Variants in ZBTB7C observed in about 807,000 individuals in gnomAD.
The protein encoded by ZBTB7C is zinc finger and BTB domain-containing protein 7C.
A neutral mutation model predicts 25.7 loss-of-function variants in ZBTB7C; 8 were observed. The ratio of observed to expected loss-of-function variants is 0.31; its 90% CI spans 0.18 to 0.56. The LOEUF (loss-of-function observed/expected upper bound fraction) is 0.56, where lower values mean the gene tolerates loss of function less well. Ranked by LOEUF, ZBTB7C falls within the 20% of genes least tolerant of loss-of-function variation. The pLI is 0.91. For synonymous variants in ZBTB7C, 394 were observed against 369.0 expected (o/e 1.07, Z -0.78); for missense variants, 824 against 855.2 (o/e 0.96, Z 0.46).
chr18:48,384,330 A>G (rs2047698496), intron 1 of ZBTB7C, among the ~76,000 whole-genome samples: 1 of 152,242 alleles, frequency 6.6e-6, no homozygotes, highest in African/African-American at 2.4e-5. Flanking sequence ...CATACCTAGG[A>G]GCCAGACTGC....
chr18:48,348,703 G>A (rs971112691), intron 1 of ZBTB7C, among the ~76,000 whole-genome samples: 5 of 152,220 alleles, frequency 3.3e-5, no homozygotes, highest in African/African-American at 1.2e-4. Flanking sequence ...TATAATCCCC[G>A]CTACTCGGGA....
At chr18:48,344,761 G>T (rs531811639) in intron 1 of ZBTB7C, among the ~76,000 whole-genome samples, 102 of 152,326 alleles carry the variant, frequency 6.7e-4, no homozygotes, top group East Asian at 5.8e-4. Context: ...CCAATTATAT[G>T]GATACTATGT....
intron 2 of ZBTB7C, among the ~76,000 whole-genome samples, chr18:48,248,663 GA>G (rs752517006): frequency 2.6e-5 from 4 of 152,064 alleles, no homozygotes; most frequent in Non-Finnish European, 4.4e-5. Context: ...GAAAATTTTA[GA>G]TTCTCAGAAC....
chr18:48,371,360 G>T (rs1568407140), intron 1 of ZBTB7C, among the ~76,000 whole-genome samples: 1 of 152,218 alleles, frequency 6.6e-6, no homozygotes, highest in Non-Finnish European at 1.5e-5. Flanking sequence ...TGTCAGGGCT[G>T]GGAACGAGCT....
intron 2 of ZBTB7C, among the ~76,000 whole-genome samples, chr18:48,210,063 G>A (rs1326908861): frequency 3.7e-4 from 57 of 152,168 alleles, no homozygotes; most frequent in Admixed American, 3.2e-3. Flanking sequence ...GTAAGTACAT[G>A]AGAAGCTGAA....
intron 3 of ZBTB7C, among the ~76,000 whole-genome samples, chr18:48,074,737 G>T (rs561311431): frequency 6.6e-6 from 1 of 152,328 alleles, no homozygotes; most frequent in Admixed American, 6.5e-5. Flanking sequence ...CTTCTCAAAG[G>T]TGCTCTCTAT....
At chr18:48,265,286 T>A (rs970708642) in intron 2 of ZBTB7C, among the ~76,000 whole-genome samples, 2 of 152,224 alleles carry the variant, frequency 1.3e-5, no homozygotes, top group African/African-American at 4.8e-5. Context: ...CTTAGTTCTA[T>A]CCTGAAGTCT....
intron 1 of ZBTB7C, among the ~76,000 whole-genome samples, chr18:48,351,822 C>T (rs558577078): frequency 6.6e-6 from 1 of 152,332 alleles, no homozygotes; most frequent in East Asian, 1.9e-4. Flanking sequence ...GCACTGTTGG[C>T]CCCTCCTTGG....
At chr18:48,071,796 A>G (rs367859406) in intron 3 of ZBTB7C, among the ~76,000 whole-genome samples, 3 of 152,362 alleles carry the variant, frequency 2.0e-5, no homozygotes, top group African/African-American at 7.2e-5. Flanking sequence ...AAAACAAAAC[A>G]TTATTCAGCC....
chr18:48,059,933 C>T (rs537262746), intron 3 of ZBTB7C, among the ~76,000 whole-genome samples: 49 of 152,140 alleles, frequency 3.2e-4, no homozygotes, highest in Non-Finnish European at 5.9e-4. Context: ...GACCCTTCCC[C>T]GGCTTCTTCC....
intron 2 of ZBTB7C, among the ~76,000 whole-genome samples, chr18:48,220,225 G>T (rs1231054712): frequency 1.3e-5 from 2 of 152,186 alleles, no homozygotes; most frequent in Non-Finnish European, 2.9e-5. Context: ...TTGGCCCATA[G>T]TGCAGTTGAG....
At chr18:48,266,553 T>G (rs1213250887) in intron 2 of ZBTB7C, among the ~76,000 whole-genome samples, 1 of 152,226 alleles carries the variant, frequency 6.6e-6, no homozygotes, top group East Asian at 1.9e-4. Context: ...GTTCATAATT[T>G]TAGCAGGAGT....
chr18:48,211,112 G>A (rs571803831), intron 2 of ZBTB7C, among the ~76,000 whole-genome samples: 115 of 152,224 alleles, frequency 7.6e-4, no homozygotes, highest in African/African-American at 2.6e-3. Flanking sequence ...TCAATAAATG[G>A]TGTTAAAACA....
At chr18:48,036,985 C>T (rs563037316) in intron 4 of ZBTB7C, among the ~76,000 whole-genome samples, 6 of 152,274 alleles carry the variant, frequency 3.9e-5, no homozygotes, top group African/African-American at 1.4e-4. Flanking sequence ...CCCAGTGATT[C>T]TGAAGAATGT....
chr18:48,097,452 G>A (rs916131256), intron 3 of ZBTB7C, among the ~76,000 whole-genome samples: 1 of 151,556 alleles, frequency 6.6e-6, no homozygotes, highest in Admixed American at 6.6e-5. Flanking sequence ...GCTGGAGTGC[G>A]GTGGCGCGAT....
intron 2 of ZBTB7C, among the ~76,000 whole-genome samples, chr18:48,278,377 G>T (rs777695392): frequency 6.6e-6 from 1 of 152,090 alleles, no homozygotes. Context: ...TCTATCCCCA[G>T]TTGAGTAACC....
intron 1 of ZBTB7C, among the ~76,000 whole-genome samples, chr18:48,355,158 G>A (rs927414138): frequency 1.3e-5 from 2 of 152,150 alleles, no homozygotes; most frequent in African/African-American, 4.8e-5. Context: ...GGCATCTCTG[G>A]TTTATAACAT....
At chr18:48,239,183 T>C (rs746300678) in intron 2 of ZBTB7C, among the ~76,000 whole-genome samples, 8 of 152,182 alleles carry the variant, frequency 5.3e-5, no homozygotes, top group Non-Finnish European at 1.2e-4. Flanking sequence ...AAGGAGAGTC[T>C]GAGCTCAGAA....
intron 2 of ZBTB7C, among the ~76,000 whole-genome samples, chr18:48,206,815 T>C (rs1159058456): frequency 1.3e-5 from 2 of 152,134 alleles, no homozygotes; most frequent in Non-Finnish European, 2.9e-5. Context: ...AAGAAGTTCG[T>C]TAAACAGGAC....
Sources: allele counts gnomAD v4.1 joint callset (sites outside exome capture counted in the v4.1 genomes callset), GRCh38; gene constraint gnomAD v4.1.1; transcripts MANE v1.5; gene names NCBI Gene and HGNC (gene_info 2026-07-23, HGNC 2026-07-21).